The following MLLT10 variants were observed in gnomAD, a reference collection of about 807,000 sequenced individuals.
MLLT10 encodes MLLT10 histone lysine methyltransferase DOT1L cofactor.
MLLT10 carries 30 observed loss-of-function variants against 129.1 expected under a neutral mutation model. That is an observed-to-expected ratio of 0.23 (90% confidence interval 0.17 to 0.32). The LOEUF (loss-of-function observed/expected upper bound fraction) is 0.32, where lower values mean the gene tolerates loss of function less well. Ranked by LOEUF, MLLT10 falls within the 10% of genes least tolerant of loss-of-function variation. The pLI is 1.00. For synonymous variants in MLLT10, 490 were observed against 446.4 expected, an observed-to-expected ratio of 1.10 and a Z score of -1.23; for missense variants, 1,119 against 1,268.3, an observed-to-expected ratio of 0.88 and a Z score of 1.79.
intron 13 of MLLT10, among the ~76,000 whole-genome samples, chr10:21,683,647 G>A (rs2052977404): frequency 1.3e-5 from 2 of 152,084 alleles, no homozygotes; most frequent in East Asian, 3.9e-4. Flanking sequence ...TTGAGGGAGA[G>A]TCTCTTAGGC....
At chr10:21,534,905 G>A in intron 2 of MLLT10, 101 bp downstream of exon 2, 1 of 845,916 alleles carries the variant, frequency 1.2e-6, no homozygotes, top group African/African-American at 1.8e-5. Context: ...CCCGTGCCGC[G>A]GCCGCGGGAG....
intron 4 of MLLT10, among the ~76,000 whole-genome samples, chr10:21,588,836 T>C (rs2042238876): frequency 6.6e-6 from 1 of 151,588 alleles, no homozygotes; most frequent in Admixed American, 6.6e-5. Context: ...CTTTTTTTTT[T>C]TTTTTGAGAC....
At chr10:21,683,367 G>C (rs1158109434) in intron 13 of MLLT10, among the ~76,000 whole-genome samples, 2 of 152,180 alleles carry the variant, frequency 1.3e-5, no homozygotes, top group African/African-American at 2.4e-5. Flanking sequence ...ACAGGGAAAA[G>C]GGATTGGCAG....
At chr10:21,536,507 T>C (rs1361599826) in intron 2 of MLLT10, among the ~76,000 whole-genome samples, 2 of 152,238 alleles carry the variant, frequency 1.3e-5, no homozygotes, top group African/African-American at 4.8e-5. Flanking sequence ...TTTTGGGCAA[T>C]GATGCTGTGT....
At chr10:21,626,521 C>T (rs1283240840) in intron 8 of MLLT10, among the ~76,000 whole-genome samples, 2 of 152,172 alleles carry the variant, frequency 1.3e-5, no homozygotes, top group Admixed American at 6.5e-5. Context: ...TGCATTAATA[C>T]ATTCATGAGG....
chr10:21,586,272 G>A (rs368157812), intron 3 of MLLT10, 22 bp from the exon 4 acceptor site: 1 of 1,447,882 alleles, frequency 6.9e-7, no homozygotes. Context: ...TTCATTACCT[G>A]TTTCTTTTTT....
chr10:21,702,975 G>A (rs2055070618), intron 13 of MLLT10, among the ~76,000 whole-genome samples: 1 of 151,970 alleles, frequency 6.6e-6, no homozygotes, highest in South Asian at 2.1e-4. Flanking sequence ...TTTTCTAGTT[G>A]TTTTGTATAT....
chr10:21,733,598 T>G lies in MLLT10; in HGVS notation c.2496+6T>G. The stretch of plus-strand genomic sequence containing the variant: ...CTCTTCCTGTATTAAATCAGGTAAT[T>G]TTTGTATGGTTATTTTCATCTATGT... On this transcript the variant is annotated splice_donor_region_variant and intron_variant, in intron 19 of 22. Coordinates refer to ENST00000307729, the MANE Select transcript of MLLT10 (RefSeq NM_001195626.3). The G allele has an allele frequency of 6.5e-7, 1 of 1,528,850 alleles. No individual in the cohort carries two copies. The highest frequency in any genetic ancestry group is 8.8e-7 in the Non-Finnish European group (1 of 1,137,098). 94.7% of individuals were successfully genotyped at this position (1,528,850 alleles called of 1,614,324 possible). A position where few individuals can be genotyped will look rare whatever the true frequency, so the allele number is the denominator to read the frequency against.
intron 21 of MLLT10, among the ~76,000 whole-genome samples, chr10:21,738,994 GACATT>G (rs2058613257): frequency 1.3e-5 from 2 of 152,122 alleles, no homozygotes; most frequent in African/African-American, 2.4e-5. Flanking sequence ...TATCTTAAAA[GACATT>G]TCAAACATAA....
At chr10:21,546,436 A>G (rs1588840593) in intron 3 of MLLT10, among the ~76,000 whole-genome samples, 1 of 116,504 alleles carries the variant, frequency 8.6e-6, no homozygotes, top group Admixed American at 8.7e-5. Flanking sequence ...ATGGAGTCTC[A>G]CTCTGTGGCC....
chr10:21,733,387 G>T, intron 18 of MLLT10, 117 bp from the exon 19 acceptor site: 2 of 634,124 alleles, frequency 3.2e-6, no homozygotes, highest in Non-Finnish European at 5.0e-6. Context: ...AGCAAGACTA[G>T]ATATTTAAGT....
chr10:21,581,467 G>T (rs1307008018), intron 3 of MLLT10, among the ~76,000 whole-genome samples: 1 of 152,194 alleles, frequency 6.6e-6, no homozygotes, highest in Non-Finnish European at 1.5e-5. Flanking sequence ...GTTGCTCTGG[G>T]TGAGTCAGTG....
intron 8 of MLLT10, among the ~76,000 whole-genome samples, chr10:21,627,123 T>C (rs983738229): frequency 6.6e-6 from 1 of 152,200 alleles, no homozygotes; most frequent in Admixed American, 6.5e-5. Flanking sequence ...GCTGTACTAC[T>C]CACTCATTCC....
At chr10:21,608,377 A>G (rs1457649620) in intron 5 of MLLT10, among the ~76,000 whole-genome samples, 3 of 150,984 alleles carry the variant, frequency 2.0e-5, no homozygotes, top group African/African-American at 7.3e-5. Context: ...AGGTTTTGCT[A>G]TGTTTTCCAG....
chr10:21,626,146 A>G, intron 8 of MLLT10: 1 of 1,610,206 alleles, frequency 6.2e-7, no homozygotes. Flanking sequence ...TCATAACTCC[A>G]CATAAAAATG....
chr10:21,675,376 A>G (rs1316634154), intron 11 of MLLT10, among the ~76,000 whole-genome samples: 1 of 152,220 alleles, frequency 6.6e-6, no homozygotes, highest in Non-Finnish European at 1.5e-5. Flanking sequence ...CAAGAGCATC[A>G]TCACACTCTC....
At chr10:21,671,263 C>T (rs1199058846) in intron 10 of MLLT10, among the ~76,000 whole-genome samples, 1 of 152,186 alleles carries the variant, frequency 6.6e-6, no homozygotes, top group Non-Finnish European at 1.5e-5. Flanking sequence ...GTGATCCTCC[C>T]GCCTTGGCCT....
At chr10:21,623,102 C>G (rs2046060137) in intron 8 of MLLT10, among the ~76,000 whole-genome samples, 1 of 152,226 alleles carries the variant, frequency 6.6e-6, no homozygotes, top group African/African-American at 2.4e-5. Flanking sequence ...TCCACCCACA[C>G]AGCATCGGTT....
intron 4 of MLLT10, among the ~76,000 whole-genome samples, chr10:21,591,687 T>C (rs1287063548): frequency 6.6e-6 from 1 of 152,108 alleles, no homozygotes; most frequent in East Asian, 1.9e-4. Flanking sequence ...ATTATAATTT[T>C]CTTATCAGTA....
Sources: gnomAD v4.1 joint callset for allele counts (sites outside exome capture counted in the v4.1 genomes callset) on GRCh38, gnomAD v4.1.1 for gene constraint, MANE v1.5 for transcripts, NCBI Gene and HGNC (gene_info 2026-07-23, HGNC 2026-07-21) for gene names.